Variants in SMARCA5 observed in about 807,000 individuals in gnomAD.
SMARCA5 encodes the protein SWI/SNF-related matrix-associated actin-dependent regulator of chromatin subfamily A member 5.
SMARCA5 carries 18 observed loss-of-function variants against 140.4 expected under a neutral mutation model. The observed-to-expected ratio is 0.13, with a 90% CI of 0.09 to 0.19. SMARCA5 has a LOEUF of 0.19. Among genes scored for constraint, SMARCA5 ranks in the 10% least tolerant of loss-of-function variants. The pLI, the probability that SMARCA5 is intolerant of heterozygous loss-of-function variation, is 1.00. For synonymous variants in SMARCA5, 449 were observed against 419.6 expected, an observed-to-expected ratio of 1.07 and a Z score of -0.86; for missense variants, 606 against 1,276.8, an observed-to-expected ratio of 0.47 and a Z score of 8.01.
chr4:143,544,949 T>A, intron 17 of SMARCA5, 102 bp downstream of exon 17: 7 of 35,898 alleles, frequency 1.9e-4, no homozygotes, highest in Admixed American at 5.5e-4. Context: ...TTGTGTTTCT[T>A]TTTTTTTTTT....
rs1737737749 is a variant in SMARCA5, at chr4:143,555,883, TC to T, written c.*2701del. 1 of 153,454 alleles carries T rather than the reference TC, an allele frequency of 6.5e-6. No individual in the cohort carries two copies. The highest frequency in any genetic ancestry group is 6.5e-5 in the Admixed American group (1 of 15,328). The allele number at this position is 153,454 out of a possible 1,614,324, so 9.5% of individuals were successfully genotyped here. ...GGTCTCAAACGCCGACTTCAGGCAA[TC>T]CTCTTGCGTCAACCTCTCAAAGTGC... is the stretch of plus-strand genomic sequence containing the variant. On this transcript the variant is annotated 3_prime_UTR_variant, in exon 24 of 24. Coordinates refer to ENST00000283131, the MANE Select transcript of SMARCA5 (RefSeq NM_003601.4).
At chr4:143,552,824 C>T (rs1467038977) in intron 23 of SMARCA5, among the ~76,000 whole-genome samples, 1 of 151,902 alleles carries the variant, frequency 6.6e-6, no homozygotes, top group African/African-American at 2.4e-5. Context: ...TCAAGTGTTT[C>T]TTACTATTTT....
intron 6 of SMARCA5, 124 bp downstream of exon 6, chr4:143,526,584 T>G (rs1247459863): frequency 1.5e-6 from 1 of 670,160 alleles, no homozygotes; most frequent in Non-Finnish European, 2.5e-6. Flanking sequence ...TATTTACAAA[T>G]GTAGCATTGT....
intron 10 of SMARCA5, among the ~76,000 whole-genome samples, chr4:143,536,145 CT>C (rs1328570651): frequency 6.6e-6 from 1 of 152,096 alleles, no homozygotes; most frequent in African/African-American, 2.4e-5. Flanking sequence ...TTAAGTTTTG[CT>C]TTATTACTTA....
chr4:143,538,300 T>C (rs1160504173), intron 11 of SMARCA5, among the ~76,000 whole-genome samples: 1 of 152,178 alleles, frequency 6.6e-6, no homozygotes, highest in African/African-American at 2.4e-5. Context: ...TATTTTTAAA[T>C]GTATATGGGG....
Position 143,544,817 on chromosome 4 carries a change from T to G in SMARCA5, c.2253T>G (p.Ala751=). The G allele has an allele frequency of 6.2e-7, 1 of 1,611,804 alleles. No individual in the cohort carries two copies. Among genetic ancestry groups the G allele is most frequent in the Non-Finnish European group, 8.5e-7 (1 of 1,178,316 alleles). ...CCGTTGATGCATATTTCAGGGAAGC[T>G]CTTCGTGTTAGTGAACCTAAAGCAC... ...NYAVDAYFRE[A]LRVSEPKAPK... Residue 751 remains alanine (A), a synonymous_variant, in exon 17 of 24, where the codon GCT becomes GCG. Transcript: ENST00000283131.
At position 143,513,955 on chromosome 4, in the gene SMARCA5, C is replaced by T. The variant is rs751684290; in HGVS notation, c.31C>T (p.Pro11Ser). 2 of 1,551,884 alleles carry T rather than the reference C, an allele frequency of 1.3e-6. No homozygotes were observed. Among genetic ancestry groups the T allele is most frequent in the South Asian group, 2.3e-5 (2 of 85,580 alleles). The change falls in exon 1 of 24, where the codon CCG (proline) becomes TCG (serine). Residue 11 changes from proline to serine, a missense_variant. Transcript: ENST00000283131. ...GTCCGCGGCCGAGCCTCCGCCACCC[C>T]CGCCTCCCGAGAGCGCGCCTTCCAA... Reference protein sequence around the residue: MSSAAEPPPPPPPESAPSKPA... With the variant: MSSAAEPPPPSPPESAPSKPA...
chr4:143,527,792 C>A, intron 6 of SMARCA5, 76 bp from the exon 7 acceptor site: 3 of 1,242,548 alleles, frequency 2.4e-6, no homozygotes, highest in African/African-American at 1.5e-5. Flanking sequence ...TTTTTATATA[C>A]TAGATTACTT....
chr4:143,543,910 A>G lies in SMARCA5; in HGVS notation c.2110A>G (p.Thr704Ala). Residue 704 changes from threonine (T) to alanine (A), a missense_variant, in exon 16 of 24, where the codon ACA becomes GCA. Thr to Ala is a moderately conservative substitution (Grantham distance 58, BLOSUM62 0). Transcript: ENST00000283131. ...KMGESSLRNFTMDTESSVYNF... is the reference protein window; with the variant it reads ...KMGESSLRNFAMDTESSVYNF... Reference sequence around the variant, plus strand: ...GGGCGAAAGTTCACTTAGAAACTTTACAATGGATACAGAGTCAAGTGTTTA... The same window carrying G: ...GGGCGAAAGTTCACTTAGAAACTTTGCAATGGATACAGAGTCAAGTGTTTA... 1 of 1,609,678 alleles carries G rather than the reference A, an allele frequency of 6.2e-7. No individual in the cohort carries two copies. The highest frequency in any genetic ancestry group is 8.5e-7 in the Non-Finnish European group (1 of 1,177,288).
intron 3 of SMARCA5, 118 bp downstream of exon 3, chr4:143,521,713 GC>G: frequency 3.3e-6 from 3 of 912,822 alleles, no homozygotes; most frequent in Non-Finnish European, 4.8e-6. Flanking sequence ...TATTTATTTG[GC>G]CCTGTTTGGC....
At chr4:143,529,561 A>G (rs927868060) in intron 8 of SMARCA5, among the ~76,000 whole-genome samples, 16 of 152,230 alleles carry the variant, frequency 1.1e-4, no homozygotes, top group Non-Finnish European at 2.1e-4. Context: ...AACTGTTAAT[A>G]GTAATATAAT....
At chr4:143,538,477 A>G in intron 11 of SMARCA5, 113 bp from the exon 12 acceptor site, 1 of 843,542 alleles carries the variant, frequency 1.2e-6, no homozygotes, top group Non-Finnish European at 1.9e-6. Context: ...TCCCCCTTGT[A>G]ACCAAGTAGG....
intron 14 of SMARCA5, among the ~76,000 whole-genome samples, chr4:143,541,208 G>A (rs1410303326): frequency 6.6e-6 from 1 of 152,146 alleles, no homozygotes; most frequent in Non-Finnish European, 1.5e-5. Flanking sequence ...TAAAGTTGAT[G>A]ATGGGAAATA....
intron 14 of SMARCA5, among the ~76,000 whole-genome samples, chr4:143,542,330 C>T (rs1332344335): frequency 6.6e-6 from 1 of 152,150 alleles, no homozygotes; most frequent in Non-Finnish European, 1.5e-5. Flanking sequence ...GCCTTAAGTG[C>T]ATACCTTTGT....
chr4:143,522,585 A>G (rs770200713), intron 3 of SMARCA5, among the ~76,000 whole-genome samples: 6 of 152,154 alleles, frequency 3.9e-5, no homozygotes, highest in Non-Finnish European at 5.9e-5. Flanking sequence ...CTCATTCATT[A>G]TATCTTATTT....
chr4:143,532,368 G>A (rs559889517), intron 9 of SMARCA5, among the ~76,000 whole-genome samples: 1 of 151,984 alleles, frequency 6.6e-6, no homozygotes, highest in East Asian at 1.9e-4. Context: ...CTCTGCTCTT[G>A]GCTTTCCTTT....
intron 23 of SMARCA5, among the ~76,000 whole-genome samples, chr4:143,552,364 G>A (rs561039333): frequency 6.4e-4 from 98 of 152,032 alleles, no homozygotes; most frequent in Middle Eastern, 3.4e-3. Flanking sequence ...CTTTGTTTCC[G>A]ATTTAGATGT....
rs975320361 is a variant in SMARCA5, at chr4:143,534,797, T to C, written c.1159-58T>C. On this transcript the variant is annotated intron_variant, in intron 9 of 23. Transcript: ENST00000283131. Reference sequence around the variant, plus strand: ...TATTTTATATACAATTCTAAGATGCTGAAATATGACCTTATGTGTAATATT... The same window carrying C: ...TATTTTATATACAATTCTAAGATGCCGAAATATGACCTTATGTGTAATATT... 4 of 1,228,070 alleles carry C rather than the reference T, an allele frequency of 3.3e-6. No individual in the cohort carries two copies. In the African/African-American group the frequency reaches 6.2e-5, roughly 19 times the overall value. The allele number at this position is 1,228,070 out of a possible 1,614,324, so 76.1% of individuals were successfully genotyped here.
At chr4:143,519,168 A>G (rs1223224874) in intron 2 of SMARCA5, among the ~76,000 whole-genome samples, 3 of 152,088 alleles carry the variant, frequency 2.0e-5, no homozygotes, top group Non-Finnish European at 4.4e-5. Flanking sequence ...ATTTACTTTA[A>G]AATCCTATTC....
Sources: allele counts gnomAD v4.1 joint callset (sites outside exome capture counted in the v4.1 genomes callset), GRCh38; gene constraint gnomAD v4.1.1; transcripts MANE v1.5; gene names NCBI Gene and HGNC (gene_info 2026-07-23, HGNC 2026-07-21).